Variants in FAM184A observed in about 807,000 individuals in gnomAD.
The protein encoded by FAM184A is protein FAM184A.
Under a neutral mutation model 143.8 loss-of-function variants are expected in FAM184A, and 99 were observed. The observed-to-expected ratio is 0.69, with a 90% CI of 0.58 to 0.81. The LOEUF (loss-of-function observed/expected upper bound fraction) is 0.81, where lower values mean the gene tolerates loss of function less well. Ranked by LOEUF, FAM184A falls within the 40% of genes least tolerant of loss-of-function variation. The pLI is 0.00. For synonymous variants in FAM184A, 427 were observed against 446.4 expected (o/e 0.96, Z 0.55); for missense variants, 1,217 against 1,310.5 (o/e 0.93, Z 1.10).
At chr6:119,042,366 TG>T (rs1222851661) in intron 1 of FAM184A, among the ~76,000 whole-genome samples, 1 of 152,188 alleles carries the variant, frequency 6.6e-6, no homozygotes, top group Non-Finnish European at 1.5e-5. Flanking sequence ...TCCCCAAAAC[TG>T]GGAAGTTTAA....
At chr6:119,140,548 C>G (rs1772191906) in intron 1 of FAM184A, among the ~76,000 whole-genome samples, 1 of 152,210 alleles carries the variant, frequency 6.6e-6, no homozygotes, top group African/African-American at 2.4e-5. Context: ...GAACCATGCT[C>G]TCCGCTTTCT....
intron 1 of FAM184A, among the ~76,000 whole-genome samples, chr6:119,137,120 A>G (rs868015588): frequency 7.2e-5 from 11 of 152,256 alleles, no homozygotes; most frequent in African/African-American, 2.4e-4. Flanking sequence ...CAGACTGTTT[A>G]AAGTAGAAAT....
At chr6:119,098,855 G>A (rs546848719) in intron 1 of FAM184A, among the ~76,000 whole-genome samples, 5 of 152,278 alleles carry the variant, frequency 3.3e-5, no homozygotes, top group South Asian at 4.2e-4. Flanking sequence ...TAGGCTGGGC[G>A]TGGCGGCACT....
At chr6:118,974,336 AT>A in intron 14 of FAM184A, 91 bp downstream of exon 14, 1 of 1,238,258 alleles carries the variant, frequency 8.1e-7, no homozygotes, top group Non-Finnish European at 1.1e-6. Context: ...TATCCTTTTT[AT>A]TAGAGTCAAA....
chr6:119,140,338 A>G (rs1023250694), intron 1 of FAM184A, among the ~76,000 whole-genome samples: 2 of 152,124 alleles, frequency 1.3e-5, no homozygotes, highest in African/African-American at 4.8e-5. Flanking sequence ...GGGTTGTCTG[A>G]TCAGATTTGC....
At chr6:119,028,178 C>T (rs147871532) in intron 1 of FAM184A, among the ~76,000 whole-genome samples, 4 of 152,206 alleles carry the variant, frequency 2.6e-5, no homozygotes, top group African/African-American at 9.6e-5. Context: ...GCTGGCTGGT[C>T]CCCCCCTGCT....
chr6:119,146,830 G>T (rs897958643), intron 1 of FAM184A, among the ~76,000 whole-genome samples: 2 of 152,080 alleles, frequency 1.3e-5, no homozygotes, highest in South Asian at 4.1e-4. Flanking sequence ...CTCTCCCCTG[G>T]TGCACAGATT....
rs763590750 is a variant in FAM184A, at chr6:118,975,199, G to A, written c.2593C>T (p.His865Tyr). 2 of 1,574,228 alleles carry A rather than the reference G, an allele frequency of 1.3e-6. No individual in the cohort carries two copies. Among genetic ancestry groups the A allele is most frequent in the South Asian group, 2.4e-5 (2 of 84,078 alleles). The part of the protein sequence containing the change: ...IDISRRQSKE[H>Y]ICRITDLQEE... ...TGTAGATCTGTAATTCTACATATGT[G>A]CTCCTTACTCTGTTAAAAAAAAAAA... Residue 865 changes from histidine (H) to tyrosine (Y), a missense_variant, in exon 13 of 18, where the codon CAC (histidine) becomes TAC (tyrosine). His to Tyr is a moderately conservative substitution (Grantham distance 83). Transcript: ENST00000338891.
intron 1 of FAM184A, among the ~76,000 whole-genome samples, chr6:119,088,224 G>T (rs902815447): frequency 6.6e-6 from 1 of 152,098 alleles, no homozygotes; most frequent in Non-Finnish European, 1.5e-5. Flanking sequence ...ACTTAAAAAT[G>T]GTTAAAATGC....
chr6:118,994,418 G>A (rs2114618910), intron 9 of FAM184A, among the ~76,000 whole-genome samples: 1 of 152,170 alleles, frequency 6.6e-6, no homozygotes, highest in African/African-American at 2.4e-5. Flanking sequence ...CGGGTGCGGT[G>A]GCTCACACCT....
At chr6:119,016,445 G>A (rs4946387) in intron 5 of FAM184A, among the ~76,000 whole-genome samples, 65,350 of 151,758 alleles carry the variant, frequency 0.43, 14,545 homozygotes, top group East Asian at 0.68. Flanking sequence ...CGAGCCCACT[G>A]GGAGGAACGA....
At chr6:119,076,229 G>A (rs2114797657) in intron 1 of FAM184A, among the ~76,000 whole-genome samples, 1 of 152,272 alleles carries the variant, frequency 6.6e-6, no homozygotes, top group South Asian at 2.1e-4. Context: ...AGTCCAAAAT[G>A]TCAATAGCGT....
intron 1 of FAM184A, among the ~76,000 whole-genome samples, chr6:119,065,688 A>G (rs1787425828): frequency 6.6e-6 from 1 of 150,776 alleles, no homozygotes; most frequent in African/African-American, 2.5e-5. Flanking sequence ...GTGCTGCCAA[A>G]TTTATCTCCA....
At position 119,007,866 on chromosome 6, in the gene FAM184A, G is replaced by C. The variant is rs150888779; in HGVS notation, c.1654-1258C>G. Among the ~76,000 whole-genome samples the C allele has an allele frequency of 7.5e-3, 1,137 of 152,096 alleles. 6 individuals carry two copies. The highest frequency in any genetic ancestry group is 0.024 in the Middle Eastern group (7 of 294). On this transcript the variant is annotated intron_variant, in intron 6 of 17. Coordinates refer to ENST00000338891, the MANE Select transcript of FAM184A (RefSeq NM_024581.6). ...TGAGGCAGGGGAATTGCTTGCACCT[G>C]GGAGGCAGAGGTTGCAGTGAGCGAG...
intron 14 of FAM184A, among the ~76,000 whole-genome samples, chr6:118,970,631 G>A (rs1783666458): frequency 6.6e-6 from 1 of 152,166 alleles, no homozygotes; most frequent in Admixed American, 6.5e-5. Flanking sequence ...TCCCAAGGAT[G>A]ATTAAAGCCT....
At chr6:119,116,036 G>A (rs1366377602) in intron 1 of FAM184A, among the ~76,000 whole-genome samples, 2 of 150,172 alleles carry the variant, frequency 1.3e-5, no homozygotes, top group Non-Finnish European at 3.0e-5. Flanking sequence ...GAGAGAGAGA[G>A]CAGGGACTAG....
At chr6:118,991,115 G>T (rs1784363890) in intron 9 of FAM184A, among the ~76,000 whole-genome samples, 1 of 151,728 alleles carries the variant, frequency 6.6e-6, no homozygotes, top group Non-Finnish European at 1.5e-5. Context: ...AATGACTGGA[G>T]GAGATATTGA....
intron 1 of FAM184A, among the ~76,000 whole-genome samples, chr6:119,094,022 C>T (rs1788441255): frequency 7.7e-6 from 1 of 130,570 alleles, no homozygotes; most frequent in Non-Finnish European, 1.6e-5. Context: ...CTCCCTCTCT[C>T]CCTTCTTTCC....
intron 3 of FAM184A, among the ~76,000 whole-genome samples, chr6:119,022,119 C>T (rs529227718): frequency 1.5e-5 from 2 of 133,154 alleles, no homozygotes; most frequent in African/African-American, 2.9e-5. Context: ...AGTGCACTGG[C>T]GCAATCTCGG....
Sources: allele counts gnomAD v4.1 joint callset (sites outside exome capture counted in the v4.1 genomes callset), GRCh38; gene constraint gnomAD v4.1.1; transcripts MANE v1.5; gene names NCBI Gene and HGNC (gene_info 2026-07-23, HGNC 2026-07-21).